PALS1: variants seen among roughly 807,000 people sequenced by gnomAD.
PALS1 encodes protein associated with LIN7 1, MAGUK p55 family member.
A neutral mutation model predicts 78.9 loss-of-function variants in PALS1; 31 were observed. The observed-to-expected ratio is 0.39, with a 90% CI of 0.30 to 0.53. PALS1 has a LOEUF of 0.53. Ranked by LOEUF, PALS1 falls within the 20% of genes least tolerant of loss-of-function variation. The pLI is 0.67. For synonymous variants in PALS1, 276 were observed against 270.9 expected (o/e 1.02, Z -0.18); for missense variants, 704 against 826.5 (o/e 0.85, Z 1.82).
At chr14:67,254,497 T>C (rs2084115977) in intron 1 of PALS1, among the ~76,000 whole-genome samples, 1 of 152,196 alleles carries the variant, frequency 6.6e-6, no homozygotes. Flanking sequence ...TAAAAGTTAA[T>C]TGTACTCTAA....
chr14:67,316,344 CAAAAG>C (rs2085175319), intron 9 of PALS1, among the ~76,000 whole-genome samples: 1 of 152,130 alleles, frequency 6.6e-6, no homozygotes, highest in South Asian at 2.1e-4. Flanking sequence ...TATACATACA[CAAAAG>C]AAGAGGAATT....
At chr14:67,276,832 C>T (rs1053673252) in intron 2 of PALS1, among the ~76,000 whole-genome samples, 4 of 152,054 alleles carry the variant, frequency 2.6e-5, no homozygotes, top group Non-Finnish European at 5.9e-5. Flanking sequence ...TGACCTGGCC[C>T]GGTCTCTCTT....
At chr14:67,325,087 A>G (rs553622159) in intron 14 of PALS1, among the ~76,000 whole-genome samples, 11 of 151,592 alleles carry the variant, frequency 7.3e-5, no homozygotes, top group Admixed American at 2.0e-4. Flanking sequence ...TTGTATTTTT[A>G]GTAGAGACAG....
At chr14:67,250,566 A>G (rs1038767990) in intron 1 of PALS1, among the ~76,000 whole-genome samples, 9 of 152,218 alleles carry the variant, frequency 5.9e-5, no homozygotes, top group African/African-American at 2.2e-4. Context: ...TGATTCTGAT[A>G]GTCATCTGGG....
intron 11 of PALS1, 104 bp from the exon 12 acceptor site, chr14:67,320,123 CAAT>C (rs1298486621): frequency 1.1e-6 from 1 of 921,716 alleles, no homozygotes; most frequent in Non-Finnish European, 1.6e-6. Context: ...GATGTAATGA[CAAT>C]AAATTGTGCT....
At chr14:67,283,748 A>G (rs1281256773) in intron 3 of PALS1, among the ~76,000 whole-genome samples, 2 of 152,336 alleles carry the variant, frequency 1.3e-5, no homozygotes, top group Middle Eastern at 3.4e-3. Context: ...GAGTATATGT[A>G]TAGTAATGTA....
At chr14:67,310,202 C>A (rs2085068578) in intron 8 of PALS1, among the ~76,000 whole-genome samples, 1 of 152,000 alleles carries the variant, frequency 6.6e-6, no homozygotes, top group African/African-American at 2.4e-5. Flanking sequence ...ACACAACTTT[C>A]TAAAATTCAT....
intron 14 of PALS1, among the ~76,000 whole-genome samples, chr14:67,332,409 A>G (rs2085464011): frequency 6.6e-6 from 1 of 152,196 alleles, no homozygotes; most frequent in Admixed American, 6.5e-5. Flanking sequence ...TTCACTCCAT[A>G]TTACAGATGT....
At chr14:67,249,592 T>G (rs117434204) in intron 1 of PALS1, among the ~76,000 whole-genome samples, 4,846 of 152,352 alleles carry the variant, frequency 0.032, 117 homozygotes, top group Middle Eastern at 0.099. Flanking sequence ...GTAGTATATC[T>G]AATAAGTTCA....
chr14:67,328,205 T>A, intron 14 of PALS1, among the ~76,000 whole-genome samples: 1 of 152,188 alleles, frequency 6.6e-6, no homozygotes, highest in Admixed American at 6.5e-5. Flanking sequence ...CTCATTGTGG[T>A]TTTGATTTGC....
At chr14:67,308,014 TG>T (rs1268076129) in intron 8 of PALS1, among the ~76,000 whole-genome samples, 18 of 151,804 alleles carry the variant, frequency 1.2e-4, no homozygotes, top group African/African-American at 4.4e-4. Flanking sequence ...CTCTTACATG[TG>T]GGAGCTAAAT....
At chr14:67,256,062 T>A (rs975647604) in intron 1 of PALS1, among the ~76,000 whole-genome samples, 2 of 151,688 alleles carry the variant, frequency 1.3e-5, no homozygotes, top group Non-Finnish European at 2.9e-5. Context: ...AATATCTTTG[T>A]GTTTTTTCCT....
At chr14:67,283,567 C>T (rs2084633502) in intron 3 of PALS1, among the ~76,000 whole-genome samples, 1 of 152,042 alleles carries the variant, frequency 6.6e-6, no homozygotes, top group Non-Finnish European at 1.5e-5. Flanking sequence ...CAGATATTTC[C>T]AAATAAATGT....
At chr14:67,278,229 G>T (rs1045897457) in intron 2 of PALS1, among the ~76,000 whole-genome samples, 1 of 151,956 alleles carries the variant, frequency 6.6e-6, no homozygotes, top group African/African-American at 2.4e-5. Flanking sequence ...TAGTAGAGAC[G>T]GGGTTTTGCC....
chr14:67,316,743 T>G lies in PALS1; in HGVS notation c.1226-89T>G, dbSNP rs1031788208. 3 of 942,704 alleles carry G rather than the reference T, an allele frequency of 3.2e-6. No individual in the cohort carries two copies. The Admixed American group carries it at 7.9e-5, about 25-fold the overall frequency. The allele number at this position is 942,704 out of a possible 1,614,324, so 58.4% of individuals were successfully genotyped here. On this transcript the variant is annotated intron_variant, in intron 9 of 14. Coordinates refer to ENST00000261681, the MANE Select transcript of PALS1 (RefSeq NM_022474.4). ...GGAAGGGAATATAAGTGAAGAGATA[T>G]GTCTAGTGTTTTCCCTTCTTGATTA...
chr14:67,258,541 C>T (rs2084181342), intron 1 of PALS1, among the ~76,000 whole-genome samples: 1 of 152,162 alleles, frequency 6.6e-6, no homozygotes. Flanking sequence ...CTTGCCTCAG[C>T]TTCCCAAGTA....
intron 9 of PALS1, among the ~76,000 whole-genome samples, chr14:67,313,550 A>G (rs73282769): frequency 0.31 from 47,811 of 151,976 alleles, 11,591 homozygotes; most frequent in African/African-American, 0.65. Flanking sequence ...GCAGTAGAAT[A>G]AAGAAAGGAG....
Position 67,274,971 on chromosome 14 carries a change from T to G in PALS1, c.-153-4047T>G, listed in dbSNP as rs546324403. 1.4e-4 allele frequency among the ~76,000 whole-genome samples: 21 copies of G among 152,360 alleles called. No individual in the cohort carries two copies. The East Asian group carries it at 3.9e-3, about 28-fold the overall frequency. Reference sequence around the variant, plus strand: ...TGCTTGTGATTTTTGCACATTGATTTTGTATCCTGAGACTTTGCTGAAGTT... The same window carrying G: ...TGCTTGTGATTTTTGCACATTGATTGTGTATCCTGAGACTTTGCTGAAGTT... On this transcript the variant is annotated intron_variant, in intron 2 of 14. Transcript: ENST00000261681.
intron 1 of PALS1, among the ~76,000 whole-genome samples, chr14:67,260,913 C>T (rs1365275767): frequency 2.0e-5 from 3 of 152,078 alleles, no homozygotes; most frequent in Non-Finnish European, 4.4e-5. Context: ...TATTCTAGGA[C>T]TAAGTCAAGT....
Sources: gnomAD v4.1 joint callset for allele counts (sites outside exome capture counted in the v4.1 genomes callset) on GRCh38, gnomAD v4.1.1 for gene constraint, MANE v1.5 for transcripts, NCBI Gene and HGNC (gene_info 2026-07-23, HGNC 2026-07-21) for gene names.